ASTN2: variants seen among roughly 807,000 people sequenced by gnomAD.
ASTN2 encodes astrotactin 2, also known as astrotactin-2.
ASTN2 carries 54 observed loss-of-function variants against 139.8 expected under a neutral mutation model. The observed-to-expected ratio is 0.39, with a 90% confidence interval of 0.31 to 0.48. ASTN2 has a LOEUF of 0.48. Among genes scored for constraint, ASTN2 ranks in the 20% least tolerant of loss-of-function variants. ASTN2 has a pLI of 0.95. For missense variants in ASTN2, 1,565 were observed against 1,725.1 expected, an observed-to-expected ratio of 0.91 and a Z score of 1.64; for synonymous variants, 756 against 719.5, an observed-to-expected ratio of 1.05 and a Z score of -0.81.
At chr9:116,697,550 TTAAG>T (rs1860926376) in intron 16 of ASTN2, 3 of 702,184 alleles carry the variant, frequency 4.3e-6, no homozygotes, top group Non-Finnish European at 7.0e-6. Context: ...AAAATAGTTG[TTAAG>T]TAAGGGAATG....
At chr9:116,688,144 G>A (rs1164266503) in intron 16 of ASTN2, among the ~76,000 whole-genome samples, 3 of 152,046 alleles carry the variant, frequency 2.0e-5, no homozygotes, top group Non-Finnish European at 4.4e-5. Flanking sequence ...GAGTGTGGCA[G>A]AGATTTGGAA....
At chr9:117,089,975 G>C (rs576101771) in intron 5 of ASTN2, among the ~76,000 whole-genome samples, 24 of 152,204 alleles carry the variant, frequency 1.6e-4, no homozygotes, top group Middle Eastern at 3.4e-3. Context: ...ATATGATATG[G>C]GGTTAGACTT....
Position 116,440,822 on chromosome 9 carries a change from A to G in ASTN2, c.3599-30T>C. 3.8e-6 allele frequency: 6 copies of G among 1,594,054 alleles called. No homozygotes were observed. The South Asian group carries it at 6.7e-5, about 18-fold the overall frequency. On this transcript the variant is annotated intron_variant, in intron 21 of 22. Transcript: ENST00000313400. ...GAGGGCAGAAGGGCAGAAACAGATC[A>G]CTGGGTGGTGAAAAAAAGTAAGGAT...
intron 19 of ASTN2, chr9:116,610,967 T>A (rs1053707173): frequency 1.3e-5 from 2 of 152,074 alleles, no homozygotes; most frequent in African/African-American, 4.8e-5. Flanking sequence ...CAGGCATTTA[T>A]AAAATACCCA....
chr9:117,169,016 T>G (rs1830730814), intron 3 of ASTN2, among the ~76,000 whole-genome samples: 1 of 152,096 alleles, frequency 6.6e-6, no homozygotes, highest in African/African-American at 2.4e-5. Flanking sequence ...AGCTGTAACA[T>G]GGGGATAATA....
intron 19 of ASTN2, chr9:116,543,799 AC>A (rs1477330352): frequency 2.0e-5 from 3 of 152,030 alleles, no homozygotes; most frequent in African/African-American, 7.2e-5. Flanking sequence ...TCACTGACAA[AC>A]CCGCTGGCCC....
chr9:117,004,932 T>C (rs955072434), intron 7 of ASTN2, among the ~76,000 whole-genome samples: 1 of 152,146 alleles, frequency 6.6e-6, no homozygotes, highest in Non-Finnish European at 1.5e-5. Context: ...GTATCAACTA[T>C]GAATAAGATA....
chr9:117,039,701 T>A (rs1431853631), intron 6 of ASTN2, 118 bp downstream of exon 6: 2 of 1,111,902 alleles, frequency 1.8e-6, no homozygotes, highest in African/African-American at 1.6e-5. Context: ...CTCCTTTTTT[T>A]CCTCCTGTAA....
chr9:117,161,273 T>C lies in ASTN2; in HGVS notation c.1016-19795A>G, dbSNP rs555653515. 3.2e-4 allele frequency among the ~76,000 whole-genome samples: 48 copies of C among 152,010 alleles called. 1 individual carries two copies. The highest frequency in any genetic ancestry group is 1.9e-4 in the Non-Finnish European group (13 of 67,968). On this transcript the variant is annotated intron_variant, in intron 3 of 22. Transcript: ENST00000313400. The stretch of plus-strand genomic sequence containing the variant: ...GAAAGGAACACAAAAATAACTCTTG[T>C]GAAAGTAAACAGAATTAAAACCACA...
At chr9:117,120,151 G>A (rs1263418791) in intron 4 of ASTN2, among the ~76,000 whole-genome samples, 2 of 150,658 alleles carry the variant, frequency 1.3e-5, no homozygotes, top group East Asian at 2.0e-4. Context: ...TAAAACACTG[G>A]ACTGGAAGAA....
chr9:117,414,594 G>T lies in ASTN2; in HGVS notation c.345C>A (p.Ala115=), dbSNP rs371965353. ...PGSPGSAGTA[A]ESRLLLFVRN... is the part of the protein sequence containing the mutation. ...GCACAAAGAGCAGGAGGCGCGACTC[G>T]GCGGCGGTGCCGGCAGAGCCAGGAG... Residue 115 remains alanine, a synonymous_variant, in exon 1 of 23, where the codon GCC becomes GCA. Transcript: ENST00000313400. This position sits in a 1 kb window ranked among gnomAD's most constrained non-coding sequence, Gnocchi z 4.2. The T allele has an allele frequency of 4.4e-6, 7 of 1,576,282 alleles. No homozygotes were observed. The highest frequency in any genetic ancestry group is 6.0e-6 in the Non-Finnish European group (7 of 1,164,712).
intron 10 of ASTN2, among the ~76,000 whole-genome samples, chr9:116,888,545 CAG>C (rs551988833): frequency 4.1e-4 from 62 of 151,994 alleles, no homozygotes; most frequent in Non-Finnish European, 7.4e-4. Flanking sequence ...GTTTTTGAGA[CAG>C]AGTCTTGCTC....
intron 11 of ASTN2, among the ~76,000 whole-genome samples, chr9:116,846,162 C>T (rs1832425489): frequency 6.6e-6 from 1 of 152,068 alleles, no homozygotes; most frequent in South Asian, 2.1e-4. Flanking sequence ...GTCAAATTCA[C>T]AGAGATGGAA....
chr9:116,467,109 G>A (rs1848668929), intron 20 of ASTN2, among the ~76,000 whole-genome samples: 1 of 152,014 alleles, frequency 6.6e-6, no homozygotes, highest in Admixed American at 6.6e-5. Context: ...CTGGAAAAGG[G>A]GTTTGGTGTG....
intron 10 of ASTN2, among the ~76,000 whole-genome samples, chr9:116,960,517 T>C (rs558498514): frequency 6.6e-6 from 1 of 151,910 alleles, no homozygotes; most frequent in African/African-American, 2.4e-5. Context: ...TATACCTTCA[T>C]CTAAGGCATG....
intron 10 of ASTN2, among the ~76,000 whole-genome samples, chr9:116,936,871 G>A (rs758843764): frequency 1.8e-4 from 27 of 152,176 alleles, no homozygotes; most frequent in Admixed American, 4.6e-4. Flanking sequence ...GCAAAGGTAG[G>A]TGGCAGAGCC....
chr9:117,016,616 CTATCTATCTATATATATA>C lies in ASTN2; in HGVS notation c.1424-8375_1424-8358del, dbSNP rs1168995010. On this transcript the variant is annotated intron_variant, in intron 6 of 22. Transcript: ENST00000313400. ...TTTATATATATATCTATATCTATATCTATCTATCTATATATATATATATATATATATATATATATAACC... is the reference window on the plus strand; with the variant it reads ...TTTATATATATATCTATATCTATATCTATATATATATATATATATATAACC... Among the ~76,000 whole-genome samples the C allele has an allele frequency of 6.6e-4, 28 of 42,470 alleles. 1 individual carries two copies. Among genetic ancestry groups the C allele is most frequent in the African/African-American group, 3.5e-3 (18 of 5,148 alleles). 27.9% of individuals were successfully genotyped at this position (42,470 alleles called of 152,430 possible).
chr9:116,604,039 T>A (rs554891178), intron 19 of ASTN2, among the ~76,000 whole-genome samples: 1 of 152,154 alleles, frequency 6.6e-6, no homozygotes, highest in East Asian at 1.9e-4. Context: ...CCCTACAGCA[T>A]CTGAGTTACC....
intron 10 of ASTN2, among the ~76,000 whole-genome samples, chr9:116,940,901 G>C (rs1835207866): frequency 6.6e-6 from 1 of 152,032 alleles, no homozygotes; most frequent in Admixed American, 6.6e-5. Flanking sequence ...AATTTCTACT[G>C]TCCCTGTTCT....
Sources: allele counts gnomAD v4.1 joint callset (sites outside exome capture counted in the v4.1 genomes callset), GRCh38; gene constraint gnomAD v4.1.1; non-coding constraint Gnocchi (gnomAD v3.1); transcripts MANE v1.5; gene names NCBI Gene and HGNC (gene_info 2026-07-23, HGNC 2026-07-21).